DPF3: variants seen among roughly 807,000 people sequenced by gnomAD.
DPF3 encodes double PHD fingers 3, also known as zinc finger protein DPF3.
Under a neutral mutation model 56.8 loss-of-function variants are expected in DPF3, and 18 were observed. The observed-to-expected ratio is 0.32, with a 90% CI of 0.22 to 0.47. The LOEUF (loss-of-function observed/expected upper bound fraction) is 0.47. Among genes scored for constraint, DPF3 ranks in the 20% least tolerant of loss-of-function variants. The pLI, the probability that DPF3 is intolerant of heterozygous loss-of-function variation, is 1.00. For synonymous variants in DPF3, 188 were observed against 180.2 expected, an observed-to-expected ratio of 1.04 and a Z score of -0.35; for missense variants, 403 against 488.8, an observed-to-expected ratio of 0.82 and a Z score of 1.65.
chr14:72,649,560 G>T (rs1236730980), intron 8 of DPF3, among the ~76,000 whole-genome samples: 1 of 148,018 alleles, frequency 6.8e-6, no homozygotes, highest in South Asian at 2.1e-4. Flanking sequence ...TAAGAACTCA[G>T]AAAAGAGATT....
chr14:72,762,408 T>A (rs1367886796), intron 2 of DPF3, among the ~76,000 whole-genome samples: 7 of 151,886 alleles, frequency 4.6e-5, no homozygotes, highest in Admixed American at 4.6e-4. Flanking sequence ...ATGTAACTCA[T>A]TATGTTAAAT....
intron 1 of DPF3, among the ~76,000 whole-genome samples, chr14:72,858,111 C>T (rs1211780175): frequency 1.3e-5 from 2 of 151,888 alleles, no homozygotes; most frequent in Non-Finnish European, 2.9e-5. Flanking sequence ...TCAAGACTAG[C>T]CTGGGCAACA....
chr14:72,800,926 C>T (rs1699018844), intron 1 of DPF3, among the ~76,000 whole-genome samples: 1 of 152,182 alleles, frequency 6.6e-6, no homozygotes, highest in Admixed American at 6.5e-5. Flanking sequence ...GGCCATCTGA[C>T]AATATAGGAA....
chr14:72,879,896 G>T, intron 1 of DPF3: 1 of 1,525,392 alleles, frequency 6.6e-7, no homozygotes, highest in South Asian at 1.2e-5. Flanking sequence ...ACATCTATAT[G>T]CGTGTTTTCC....
At chr14:72,824,815 G>T (rs1365581806) in intron 1 of DPF3, among the ~76,000 whole-genome samples, 3 of 150,352 alleles carry the variant, frequency 2.0e-5, no homozygotes, top group Non-Finnish European at 4.4e-5. Context: ...CAGGTGATCC[G>T]CCTACTTCAG....
intron 2 of DPF3, among the ~76,000 whole-genome samples, chr14:72,765,091 T>C (rs1255696935): frequency 6.6e-6 from 1 of 152,180 alleles, no homozygotes; most frequent in South Asian, 2.1e-4. Flanking sequence ...AGTAAAAGTA[T>C]AGAGAATAAA....
chr14:72,697,391 G>A (rs1369959980), intron 6 of DPF3, among the ~76,000 whole-genome samples: 3 of 152,292 alleles, frequency 2.0e-5, no homozygotes, highest in South Asian at 2.1e-4. Flanking sequence ...GGACATCAAA[G>A]AGGGGACAGG....
chr14:72,870,848 G>A (rs537415678), intron 1 of DPF3, among the ~76,000 whole-genome samples: 8 of 152,348 alleles, frequency 5.3e-5, no homozygotes, highest in Middle Eastern at 3.4e-3. Context: ...GCTGAGGCAG[G>A]TGGATGGCTT....
chr14:72,892,965 AAGGAAGGAAGGAAGGAAGGAAGGAAGG>A (rs1886818697), intron 1 of DPF3, among the ~76,000 whole-genome samples: 2 of 73,698 alleles, frequency 2.7e-5, no homozygotes, highest in African/African-American at 1.4e-4. Context: ...GGAAGGAAGG[AAGGAAGGAAGGAAGGAAGGAAGGAAGG>A]AAGGAAGGAA....
chr14:72,719,148 A>G (rs2153576308), intron 5 of DPF3, among the ~76,000 whole-genome samples: 1 of 144,094 alleles, frequency 6.9e-6, no homozygotes, highest in Admixed American at 7.4e-5. Flanking sequence ...CAGCTCAATG[A>G]AGCCTTAACC....
At chr14:72,633,520 G>C (rs935082450) in intron 8 of DPF3, among the ~76,000 whole-genome samples, 5 of 152,092 alleles carry the variant, frequency 3.3e-5, no homozygotes, top group Non-Finnish European at 5.9e-5. Flanking sequence ...GAAGCAAATC[G>C]GGTGAGTATG....
chr14:72,764,785 C>T (rs1448850320), intron 2 of DPF3, among the ~76,000 whole-genome samples: 2 of 152,152 alleles, frequency 1.3e-5, no homozygotes, highest in Non-Finnish European at 2.9e-5. Context: ...GCCACCGCGC[C>T]CGGCCTGTTT....
At chr14:72,627,304 A>G (rs1013141785) in intron 9 of DPF3, among the ~76,000 whole-genome samples, 1 of 152,022 alleles carries the variant, frequency 6.6e-6, no homozygotes, top group African/African-American at 2.4e-5. Context: ...TAGATCCCCA[A>G]TGTATTTGGT....
At chr14:72,700,554 C>G (rs1888113948) in intron 6 of DPF3, among the ~76,000 whole-genome samples, 1 of 152,204 alleles carries the variant, frequency 6.6e-6, no homozygotes, top group Non-Finnish European at 1.5e-5. Context: ...CTGAGATAAT[C>G]TTGAAAGTCT....
At chr14:72,846,076 C>T (rs1567254003) in intron 1 of DPF3, among the ~76,000 whole-genome samples, 1 of 114,862 alleles carries the variant, frequency 8.7e-6, no homozygotes, top group Non-Finnish European at 2.0e-5. Context: ...TTTTATTTTA[C>T]TGTTTATTTT....
chr14:72,695,015 A>G (rs540820779), intron 6 of DPF3, among the ~76,000 whole-genome samples: 4 of 152,196 alleles, frequency 2.6e-5, no homozygotes, highest in Admixed American at 1.3e-4. Flanking sequence ...ATACTGCTGC[A>G]TTCTGCTTTC....
chr14:72,619,230 G>T lies in DPF3; in HGVS notation c.*67C>A. 2 of 1,480,288 alleles carry T rather than the reference G, an allele frequency of 1.4e-6. No individual in the cohort carries two copies. The highest frequency in any genetic ancestry group is 1.8e-6 in the Non-Finnish European group (2 of 1,101,766). The allele number at this position is 1,480,288 out of a possible 1,614,324, so 91.7% of individuals were successfully genotyped here. A position where few individuals can be genotyped will look rare whatever the true frequency, so the allele number is the denominator to read the frequency against. ...GGCTGGATATGTGGGAGGAGGGCGCGTTCTGGTTTGAACTGGGCTCTGCTT... is the reference window on the plus strand; with the variant it reads ...GGCTGGATATGTGGGAGGAGGGCGCTTTCTGGTTTGAACTGGGCTCTGCTT... On this transcript the variant is annotated 3_prime_UTR_variant, in exon 11 of 11. Coordinates refer to ENST00000556509, the MANE Select transcript of DPF3 (RefSeq NM_001280542.3).
intron 8 of DPF3, among the ~76,000 whole-genome samples, chr14:72,669,798 G>A (rs1224552770): frequency 6.6e-6 from 1 of 152,108 alleles, no homozygotes; most frequent in East Asian, 1.9e-4. Context: ...GGGCCAGGGG[G>A]AGACACTCCA....
At chr14:72,640,072 AAAAAAAAATGGAAACAGCATTAC>A (rs1829392025) in intron 8 of DPF3, among the ~76,000 whole-genome samples, 1 of 121,994 alleles carries the variant, frequency 8.2e-6, no homozygotes, top group Non-Finnish European at 1.8e-5. Context: ...AAAAAAAAAA[AAAAAAAAATGGAAACAGCATTAC>A]AGGGAAAGGC....
Sources: allele counts gnomAD v4.1 joint callset (sites outside exome capture counted in the v4.1 genomes callset), GRCh38; gene constraint gnomAD v4.1.1; transcripts MANE v1.5; gene names NCBI Gene and HGNC (gene_info 2026-07-23, HGNC 2026-07-21).